Variants in KCTD16 observed in about 807,000 individuals in gnomAD.
KCTD16 encodes the protein potassium channel tetramerization domain containing 16, also known as BTB/POZ domain-containing protein KCTD16.
A neutral mutation model predicts 33.2 loss-of-function variants in KCTD16; 13 were observed. The observed-to-expected ratio is 0.39, with a 90% CI of 0.25 to 0.62. The LOEUF (loss-of-function observed/expected upper bound fraction) is 0.62, where lower values mean the gene tolerates loss of function less well. KCTD16 is among the 20% of genes least tolerant of loss of function. KCTD16 has a pLI of 0.50. For missense variants in KCTD16, 441 were observed against 525.1 expected (o/e 0.84, Z 1.57); for synonymous variants, 197 against 195.3 (o/e 1.01, Z -0.07).
chr5:144,470,952 G>A (rs1466351411), intron 3 of KCTD16, among the ~76,000 whole-genome samples: 5 of 152,114 alleles, frequency 3.3e-5, no homozygotes, highest in East Asian at 3.9e-4. Context: ...AGGCCAAGGC[G>A]GGCAGATCAC....
At position 144,443,066 on chromosome 5, in the gene KCTD16, G is replaced by T. The variant is rs999556927; in HGVS notation, c.833-30594G>T. On this transcript the variant is annotated intron_variant, in intron 3 of 3. Coordinates refer to ENST00000512467, the MANE Select transcript of KCTD16 (RefSeq NM_020768.4). ...AGAGAGCTCAAGTTCTCTTGGCCTT[G>T]TTTGCCTAGAATCAAGCTTCTGCAA... 2.0e-5 allele frequency among the ~76,000 whole-genome samples: 3 copies of T among 152,222 alleles called. No homozygotes were observed. In the East Asian group the frequency reaches 5.8e-4, roughly 29 times the overall value.
rs1754662354 is a variant in KCTD16 at position 144,479,437 on chromosome 5, T to C, written c.*5323T>C. ...ATTCAAAAGGGTTTCAATGATCCAA[T>C]TGACCCTATTCATTTAACAGAGTAA... On this transcript the variant is annotated 3_prime_UTR_variant, in exon 4 of 4. Coordinates refer to ENST00000512467, the MANE Select transcript of KCTD16 (RefSeq NM_020768.4). 6.7e-6 allele frequency: 1 copy of C among 149,348 alleles called. No homozygotes were observed. The highest frequency in any genetic ancestry group is 1.5e-5 in the Non-Finnish European group (1 of 67,356). The allele number at this position is 149,348 out of a possible 1,614,324, so 9.3% of individuals were successfully genotyped here.
intron 3 of KCTD16, among the ~76,000 whole-genome samples, chr5:144,357,091 G>C (rs1751587064): frequency 6.6e-6 from 1 of 151,468 alleles, no homozygotes; most frequent in South Asian, 2.1e-4. Flanking sequence ...CCTGGATTAG[G>C]AGATGAGTTA....
chr5:144,247,044 T>G (rs1754569216), intron 3 of KCTD16, among the ~76,000 whole-genome samples: 1 of 152,238 alleles, frequency 6.6e-6, no homozygotes, highest in African/African-American at 2.4e-5. Flanking sequence ...GAGAATTAAC[T>G]TAGTTTATTA....
At chr5:144,385,020 G>A (rs1479699220) in intron 3 of KCTD16, among the ~76,000 whole-genome samples, 1 of 152,160 alleles carries the variant, frequency 6.6e-6, no homozygotes, top group Non-Finnish European at 1.5e-5. Flanking sequence ...TCAAATAAGT[G>A]GGACATTATG....
intron 3 of KCTD16, among the ~76,000 whole-genome samples, chr5:144,341,364 T>TATATATGC (rs1338467845): frequency 1.3e-5 from 2 of 152,084 alleles, no homozygotes; most frequent in Non-Finnish European, 1.5e-5. Context: ...AAATCAGACA[T>TATATATGC]ATATATGCGG....
At chr5:144,237,336 T>C (rs770030844) in intron 3 of KCTD16, among the ~76,000 whole-genome samples, 1 of 152,130 alleles carries the variant, frequency 6.6e-6, no homozygotes. Flanking sequence ...ATCATAATTA[T>C]AATTTGGCAT....
intron 3 of KCTD16, among the ~76,000 whole-genome samples, chr5:144,223,957 A>G (rs1753844912): frequency 6.6e-6 from 1 of 152,044 alleles, no homozygotes; most frequent in Non-Finnish European, 1.5e-5. Flanking sequence ...TTTTTTTTAA[A>G]AAAACCCGAC....
In KCTD16 at chr5:144,278,590, C is replaced by G. The variant is rs1158281300; in HGVS notation, c.832+71044C>G. Among the ~76,000 whole-genome samples the G allele has an allele frequency of 2.0e-5, 3 of 149,866 alleles. No individual in the cohort carries two copies. In the South Asian group the frequency reaches 6.3e-4, roughly 31 times the overall value. On this transcript the variant is annotated intron_variant, in intron 3 of 3. Coordinates refer to ENST00000512467, the MANE Select transcript of KCTD16 (RefSeq NM_020768.4). ...TTGGCTCACTGCAAGCTCCGCTTCC[C>G]GGATTCACGCCATTCTCCTGCCTCA...
chr5:144,470,470 T>C (rs1487616471), intron 3 of KCTD16, among the ~76,000 whole-genome samples: 1 of 152,210 alleles, frequency 6.6e-6, no homozygotes. Context: ...ATTAATCCTA[T>C]AATATTGGAT....
At chr5:144,343,479 T>C (rs1270006471) in intron 3 of KCTD16, among the ~76,000 whole-genome samples, 1 of 152,190 alleles carries the variant, frequency 6.6e-6, no homozygotes, top group Non-Finnish European at 1.5e-5. Context: ...TTTTCTTTTT[T>C]ATTAGTTTTG....
At chr5:144,407,755 T>C (rs1387021494) in intron 3 of KCTD16, among the ~76,000 whole-genome samples, 1 of 152,168 alleles carries the variant, frequency 6.6e-6, no homozygotes, top group Non-Finnish European at 1.5e-5. Context: ...CCATGTGTTC[T>C]CTTTGTTCAA....
At chr5:144,199,173 T>C (rs2126784511) in intron 2 of KCTD16, among the ~76,000 whole-genome samples, 1 of 152,334 alleles carries the variant, frequency 6.6e-6, no homozygotes, top group African/African-American at 2.4e-5. Flanking sequence ...CTGATTCTGA[T>C]TTCATTCCAC....
intron 3 of KCTD16, among the ~76,000 whole-genome samples, chr5:144,210,935 T>C (rs1427951638): frequency 1.3e-5 from 2 of 152,170 alleles, no homozygotes; most frequent in Non-Finnish European, 2.9e-5. Context: ...AGGACACTTA[T>C]TCTGAAAACA....
intron 3 of KCTD16, among the ~76,000 whole-genome samples, chr5:144,231,903 G>A (rs541354821): frequency 1.2e-3 from 186 of 152,170 alleles, no homozygotes; most frequent in Non-Finnish European, 2.2e-3. Flanking sequence ...TATTAGCAGC[G>A]TGAGAACAGA....
At chr5:144,314,449 AC>A (rs1230682779) in intron 3 of KCTD16, among the ~76,000 whole-genome samples, 1 of 152,132 alleles carries the variant, frequency 6.6e-6, no homozygotes, top group Non-Finnish European at 1.5e-5. Context: ...GCAAGAAACT[AC>A]AAAAGTGTAT....
chr5:144,284,049 A>G (rs993772808), intron 3 of KCTD16, among the ~76,000 whole-genome samples: 6 of 152,130 alleles, frequency 3.9e-5, no homozygotes, highest in Non-Finnish European at 8.8e-5. Flanking sequence ...TTTTAGGTGG[A>G]TTATTCTCAT....
chr5:144,321,768 T>C (rs1561566424), intron 3 of KCTD16, among the ~76,000 whole-genome samples: 1 of 152,224 alleles, frequency 6.6e-6, no homozygotes, highest in East Asian at 1.9e-4. Flanking sequence ...GAGCCATTAT[T>C]AATTTGTTTC....
At chr5:144,372,369 T>A (rs1446535058) in intron 3 of KCTD16, among the ~76,000 whole-genome samples, 1 of 152,214 alleles carries the variant, frequency 6.6e-6, no homozygotes, top group African/African-American at 2.4e-5. Flanking sequence ...TAGCAACAAC[T>A]TATTAATTGC....
Sources: allele counts gnomAD v4.1 joint callset (sites outside exome capture counted in the v4.1 genomes callset), GRCh38; gene constraint gnomAD v4.1.1; transcripts MANE v1.5; gene names NCBI Gene and HGNC (gene_info 2026-07-23, HGNC 2026-07-21).